Variants in PPM1D observed in about 807,000 individuals in gnomAD.
The protein encoded by PPM1D is protein phosphatase 1D.
PPM1D carries 52 observed loss-of-function variants against 58.3 expected under a neutral mutation model. That is an observed-to-expected ratio of 0.89 (90% CI 0.71 to 1.12). The LOEUF is 1.12. Among genes scored for constraint, PPM1D ranks in the 50% most tolerant of loss-of-function variants. The pLI is 0.00. For missense variants in PPM1D, 564 were observed against 777.2 expected (o/e 0.73, Z 3.26); for synonymous variants, 278 against 285.1 (o/e 0.98, Z 0.25).
intron 3 of PPM1D, among the ~76,000 whole-genome samples, chr17:60,640,172 G>A (rs1368004591): frequency 6.6e-6 from 1 of 152,156 alleles, no homozygotes; most frequent in Admixed American, 6.5e-5. Context: ...TTGGCTGGGC[G>A]TGGTTGCACG....
At chr17:60,614,964 C>G (rs1022068406) in intron 1 of PPM1D, among the ~76,000 whole-genome samples, 1 of 152,170 alleles carries the variant, frequency 6.6e-6, no homozygotes, top group Admixed American at 6.5e-5. Flanking sequence ...ACCAAGAACC[C>G]ACCAATTCTG....
rs1192553106 is a variant in PPM1D, at chr17:60,664,740, C to G, written c.*1188C>G. 6.6e-6 allele frequency: 1 copy of G among 152,130 alleles called. No individual in the cohort carries two copies. Among genetic ancestry groups the G allele is most frequent in the Non-Finnish European group, 1.5e-5 (1 of 68,036 alleles). The allele number at this position is 152,130 out of a possible 1,614,324, so 9.4% of individuals were successfully genotyped here. On this transcript the variant is annotated 3_prime_UTR_variant, in exon 6 of 6. Transcript: ENST00000305921. ...GATTTTCAGATTAGGGATGCTTAAC[C>G]TGGATTAACATTCTGTTGTGCCATG... is the stretch of plus-strand genomic sequence containing the variant.
intron 4 of PPM1D, among the ~76,000 whole-genome samples, chr17:60,649,124 T>G (rs1350622984): frequency 1.3e-5 from 2 of 151,804 alleles, no homozygotes; most frequent in Non-Finnish European, 2.9e-5. Context: ...GGTGTCACTA[T>G]GTTGCCCAGG....
rs1258440259 is a variant in PPM1D at position 60,665,384 on chromosome 17, A to AT, written c.*1837dup. ...GCCACCATGCCTGGCTAAGTTTTGT[A>AT]TTTTTAGTAGAGATGGGTTTTCATC... On this transcript the variant is annotated 3_prime_UTR_variant, in exon 6 of 6. Transcript: ENST00000305921. The AT allele has an allele frequency of 6.6e-6, 1 of 151,778 alleles. No homozygotes were observed. Among genetic ancestry groups the AT allele is most frequent in the African/African-American group, 2.4e-5 (1 of 41,266 alleles). 9.4% of individuals were successfully genotyped at this position (151,778 alleles called of 1,614,324 possible). A position where few individuals can be genotyped will look rare whatever the true frequency, so the allele number is the denominator to read the frequency against.
At chr17:60,657,233 A>G (rs1295780497) in intron 5 of PPM1D, 2 of 506,874 alleles carry the variant, frequency 3.9e-6, no homozygotes, top group African/African-American at 4.2e-5. Flanking sequence ...AAACAAGGTC[A>G]TAGAGAATCA....
At chr17:60,648,169 T>A (rs558741806) in intron 4 of PPM1D, 87 bp downstream of exon 4, 1 of 1,403,154 alleles carries the variant, frequency 7.1e-7, no homozygotes, top group South Asian at 1.4e-5. Context: ...CTAAGGACAT[T>A]GACCTTGGGT....
intron 1 of PPM1D, among the ~76,000 whole-genome samples, chr17:60,622,221 T>C (rs2030722141): frequency 6.6e-6 from 1 of 151,980 alleles, no homozygotes; most frequent in South Asian, 2.1e-4. Flanking sequence ...TCATTTACTG[T>C]CTTTATTACT....
chr17:60,664,288 AATGGCATTATT>A lies in PPM1D; in HGVS notation c.*738_*748del, dbSNP rs1396996626. 1 of 152,608 alleles carries A rather than the reference AATGGCATTATT, an allele frequency of 6.6e-6. No individual in the cohort carries two copies. The highest frequency in any genetic ancestry group is 1.5e-5 in the Non-Finnish European group (1 of 68,034). The allele number at this position is 152,608 out of a possible 1,614,324, so 9.5% of individuals were successfully genotyped here. On this transcript the variant is annotated 3_prime_UTR_variant, in exon 6 of 6. Coordinates refer to ENST00000305921, the MANE Select transcript of PPM1D (RefSeq NM_003620.4). Reference sequence around the variant, plus strand: ...ATTCCCTTCTTTTTCATCCCAGACCAATGGCATTATTAGGTCTTAAAGTAGTTACTCCCTTC... The same window carrying A: ...ATTCCCTTCTTTTTCATCCCAGACCAAGGTCTTAAAGTAGTTACTCCCTTC...
chr17:60,633,876 A>G lies in PPM1D; in HGVS notation c.725A>G (p.Asn242Ser). 6.2e-7 allele frequency: 1 copy of G among 1,613,250 alleles called. No individual in the cohort carries two copies. The highest frequency in any genetic ancestry group is 8.5e-7 in the Non-Finnish European group (1 of 1,179,292). ...GGSVMNKSGVNRVVWKRPRLT... is the reference protein window; with the variant it reads ...GGSVMNKSGVSRVVWKRPRLT... ...AGTGTAATGAACAAGTCTGGGGTGA[A>G]TCGTGTAGTTTGGAAACGACCTCGA... is the stretch of plus-strand genomic sequence containing the variant. Residue 242 changes from asparagine (N) to serine (S), a missense_variant, in exon 3 of 6, where the codon AAT (asparagine) becomes AGT (serine). Asn to Ser is a conservative substitution (Grantham distance 46, BLOSUM62 1). Transcript: ENST00000305921.
intron 5 of PPM1D, among the ~76,000 whole-genome samples, 194 bp from the exon 6 acceptor site, chr17:60,662,801 A>T (rs1291318479): frequency 6.6e-6 from 1 of 152,118 alleles, no homozygotes; most frequent in Non-Finnish European, 1.5e-5. Flanking sequence ...TTACCTTTAT[A>T]TTGTCTTCTC....
At chr17:60,627,886 A>AT (rs994526232) in intron 2 of PPM1D, among the ~76,000 whole-genome samples, 2,387 of 142,638 alleles carry the variant, frequency 0.017, 50 homozygotes, top group African/African-American at 0.054. Flanking sequence ...TTGAATAGAA[A>AT]TTTTTTTTTT....
Position 60,646,463 on chromosome 17 carries a change from C to T in PPM1D, c.827-1429C>T, listed in dbSNP as rs573667487. Among the ~76,000 whole-genome samples, 6 of 152,252 alleles carry T rather than the reference C, an allele frequency of 3.9e-5. No homozygotes were observed. In the East Asian group the frequency reaches 1.2e-3, roughly 29 times the overall value. On this transcript the variant is annotated intron_variant, in intron 3 of 5. Transcript: ENST00000305921. The stretch of plus-strand genomic sequence containing the variant: ...CTGAAAGGGGACAAAAATTGTTTAA[C>T]CTCTTGTCTGAAAATCTTTTGCTTT...
intron 3 of PPM1D, among the ~76,000 whole-genome samples, chr17:60,636,417 G>T (rs1249452757): frequency 1.3e-5 from 2 of 152,170 alleles, no homozygotes; most frequent in Non-Finnish European, 2.9e-5. Context: ...TGCACCCATG[G>T]AGCTTACTTT....
At chr17:60,608,020 A>G (rs1351862859) in intron 1 of PPM1D, among the ~76,000 whole-genome samples, 4 of 152,244 alleles carry the variant, frequency 2.6e-5, no homozygotes, top group African/African-American at 7.2e-5. Flanking sequence ...CTCTTAAACT[A>G]TAGAATTTTA....
intron 1 of PPM1D, among the ~76,000 whole-genome samples, chr17:60,611,245 T>G (rs1193403710): frequency 6.6e-6 from 1 of 152,166 alleles, no homozygotes; most frequent in Non-Finnish European, 1.5e-5. Context: ...AGTCTTGAAC[T>G]CCTGACCTCA....
chr17:60,663,598 G>T lies in PPM1D; in HGVS notation c.*46G>T, dbSNP rs754231579. On this transcript the variant is annotated 3_prime_UTR_variant, in exon 6 of 6. Transcript: ENST00000305921. ...TTTTTCCAAACTTAGGATATAAGAG[G>T]GCTTTTTAAATTTGGTGCCGATGTT... 1.4e-5 allele frequency: 21 copies of T among 1,544,584 alleles called. No individual in the cohort carries two copies. The East Asian group carries it at 4.5e-4, about 33-fold the overall frequency.
Position 60,665,434 on chromosome 17 carries a change from T to G in PPM1D, c.*1882T>G, listed in dbSNP as rs1353650173. 1 of 151,968 alleles carries G rather than the reference T, an allele frequency of 6.6e-6. No homozygotes were observed. The highest frequency in any genetic ancestry group is 1.5e-5 in the Non-Finnish European group (1 of 68,010). The allele number at this position is 151,968 out of a possible 1,614,324, so 9.4% of individuals were successfully genotyped here. ...CATGTTGGCCAAGATGGTCTTGATC[T>G]CTTGACCTCATGATCCACCAGCCTA... On this transcript the variant is annotated 3_prime_UTR_variant, in exon 6 of 6. Transcript: ENST00000305921.
At chr17:60,649,974 C>A (rs1319870824) in intron 4 of PPM1D, among the ~76,000 whole-genome samples, 2 of 152,072 alleles carry the variant, frequency 1.3e-5, no homozygotes, top group Non-Finnish European at 2.9e-5. Context: ...ATTTAGAATT[C>A]TTTAATGATC....
At chr17:60,645,223 G>A (rs908783930) in intron 3 of PPM1D, among the ~76,000 whole-genome samples, 21 of 151,940 alleles carry the variant, frequency 1.4e-4, no homozygotes, top group Admixed American at 7.9e-4. Flanking sequence ...ATGTGGTGGC[G>A]GGCACCTGTA....
Sources: gnomAD v4.1 joint callset for allele counts (sites outside exome capture counted in the v4.1 genomes callset) on GRCh38, gnomAD v4.1.1 for gene constraint, MANE v1.5 for transcripts, NCBI Gene and HGNC (gene_info 2026-07-23, HGNC 2026-07-21) for gene names.